Variants in TNRC6C observed in about 807,000 individuals in gnomAD.
TNRC6C encodes the protein trinucleotide repeat-containing gene 6C protein.
Under a neutral mutation model 153.7 loss-of-function variants are expected in TNRC6C, and 20 were observed. That is an observed-to-expected ratio of 0.13 (90% CI 0.09 to 0.19). The LOEUF is 0.19. Ranked by LOEUF, TNRC6C falls within the 10% of genes least tolerant of loss-of-function variation. The pLI is 1.00. For missense variants in TNRC6C, 1,987 were observed against 2,172.0 expected (o/e 0.91, Z 1.69); for synonymous variants, 811 against 841.4 (o/e 0.96, Z 0.63).
At chr17:78,102,418 C>T in intron 17 of TNRC6C, 56 bp from the exon 21 acceptor site, 1 of 1,502,222 alleles carries the variant, frequency 6.7e-7, no homozygotes, top group Admixed American at 1.9e-5. Context: ...GTGGGGAGGG[C>T]CGCACTATCC....
upstream of TNRC6C, among the ~76,000 whole-genome samples, chr17:77,958,480 G>A (rs1019729625): frequency 6.6e-6 from 1 of 152,014 alleles, no homozygotes; most frequent in Non-Finnish European, 1.5e-5. Flanking sequence ...TAAGGGGAAA[G>A]GAGGAGGCGT....
intron 17 of TNRC6C, among the ~76,000 whole-genome samples, chr17:78,100,039 G>T (rs1024346119): frequency 2.0e-5 from 3 of 152,186 alleles, no homozygotes; most frequent in African/African-American, 4.8e-5. Flanking sequence ...TTCATATCTC[G>T]CATCTGGGTC....
At chr17:77,996,095 A>C (rs1035088220) in intron 1 of TNRC6C, among the ~76,000 whole-genome samples, 1 of 152,186 alleles carries the variant, frequency 6.6e-6, no homozygotes, top group Non-Finnish European at 1.5e-5. Flanking sequence ...CAATCCTCCC[A>C]TATTTGTAAT....
chr17:78,067,963 CA>C (rs767936571), intron 5 of TNRC6C, 40 bp downstream of exon 7: 2 of 1,559,144 alleles, frequency 1.3e-6, no homozygotes, highest in South Asian at 2.4e-5. Context: ...CCCTGAAAAC[CA>C]AAGGTACTTC....
intron 1 of TNRC6C, among the ~76,000 whole-genome samples, chr17:78,010,274 T>C (rs773285193): frequency 1.2e-4 from 18 of 152,260 alleles, no homozygotes; most frequent in Non-Finnish European, 2.4e-4. Context: ...CAGTTTGTAA[T>C]TGGTAAACAA....
intron 3 of TNRC6C, among the ~76,000 whole-genome samples, chr17:78,059,760 G>A (rs992884483): frequency 6.6e-6 from 1 of 150,960 alleles, no homozygotes; most frequent in Non-Finnish European, 1.5e-5. Context: ...GAGGCAGGAG[G>A]ATCACCAGAG....
chr17:78,022,740 G>A (rs1374863303), intron 1 of TNRC6C, among the ~76,000 whole-genome samples: 4 of 152,132 alleles, frequency 2.6e-5, no homozygotes, highest in Non-Finnish European at 4.4e-5. Flanking sequence ...CTTTTAAAAG[G>A]CAAAATGACA....
Position 78,089,928 on chromosome 17 carries a change from G to A in TNRC6C, c.3803-1512G>A, listed in dbSNP as rs190370971. Among the ~76,000 whole-genome samples, 454 of 152,270 alleles carry A rather than the reference G, an allele frequency of 3.0e-3. 3 individuals are homozygous for A. The highest frequency in any genetic ancestry group is 9.7e-3 in the African/African-American group (403 of 41,542). ...CCAGTCTAGCTGACTTTCCCAGAGG[G>A]GAAAGTTGGGAGAGATGGGTTGGCG... is the stretch of plus-strand genomic sequence containing the variant. On this transcript the variant is annotated intron_variant, in intron 13 of 19. Transcript: ENST00000301624.
intron 1 of TNRC6C, among the ~76,000 whole-genome samples, chr17:78,024,114 CA>C (rs1165667465): frequency 1.3e-5 from 2 of 151,892 alleles, no homozygotes; most frequent in Non-Finnish European, 2.9e-5. Context: ...AAAGCAAAAA[CA>C]AAAAAACCTT....
intron 2 of TNRC6C, among the ~76,000 whole-genome samples, chr17:78,038,748 T>TCAC (rs766491515): frequency 6.6e-6 from 1 of 151,226 alleles, no homozygotes; most frequent in East Asian, 2.0e-4. Context: ...CATTGATAGA[T>TCAC]CACTTTTCAC....
chr17:78,086,348 A>AAAC (rs1555644254), intron 11 of TNRC6C, among the ~76,000 whole-genome samples, 155 bp from the exon 14 acceptor site: 11 of 139,968 alleles, frequency 7.9e-5, no homozygotes, highest in Middle Eastern at 3.7e-3. Flanking sequence ...AAAAAAAAAA[A>AAAC]AAAAAAAAAA....
At chr17:78,086,879 G>A (rs1354167572) in exon 13 of TNRC6C, 1 of 1,612,452 alleles carries the variant, frequency 6.2e-7, no homozygotes, top group Non-Finnish European at 8.5e-7. Flanking sequence ...CTAATCTGCA[G>A]CAGCAGATCC....
intron 3 of TNRC6C, among the ~76,000 whole-genome samples, chr17:78,063,214 C>T (rs2072803406): frequency 6.6e-6 from 1 of 150,668 alleles, no homozygotes; most frequent in Non-Finnish European, 1.5e-5. Flanking sequence ...TACTGCACTC[C>T]AGCCTGGGCA....
chr17:77,971,933 G>A (rs978034821), intron 1 of TNRC6C, among the ~76,000 whole-genome samples: 1 of 150,644 alleles, frequency 6.6e-6, no homozygotes, highest in Non-Finnish European at 1.5e-5. Context: ...GGAGAGAAAT[G>A]TATAGCTTTA....
At chr17:78,078,702 C>T (rs1051269959) in intron 9 of TNRC6C, among the ~76,000 whole-genome samples, 2 of 152,102 alleles carry the variant, frequency 1.3e-5, no homozygotes, top group Non-Finnish European at 2.9e-5. Flanking sequence ...AGGTGGCTCA[C>T]GCCTGTAATC....
rs1598735639 is a variant in TNRC6C, at chr17:78,051,452, G to C, written c.2390G>C (p.Arg797Thr). 1.5e-6 allele frequency: 2 copies of C among 1,361,508 alleles called. No homozygotes were observed. Among genetic ancestry groups the C allele is most frequent in the Non-Finnish European group, 1.9e-6 (2 of 1,050,418 alleles). 84.3% of individuals were successfully genotyped at this position (1,361,508 alleles called of 1,614,324 possible). A position where few individuals can be genotyped will look rare whatever the true frequency, so the allele number is the denominator to read the frequency against. Residue 797 changes from arginine (R) to threonine (T), a missense_variant, in exon 3 of 20, where the codon AGG becomes ACG. By Grantham distance (71) the Arg-to-Thr change is moderately conservative (BLOSUM62 -1). This residue lies in a region of TNRC6C where 1,052 missense variants were observed against 1,017.0 expected (regional missense o/e 1.03). Coordinates refer to ENST00000301624, the Ensembl canonical transcript of TNRC6C. ...CGATCACCGTTGCTTGGTCCAGGTA[G>C]GAAAGGTATTTCATGTTTCTTTACA...
chr17:78,044,399 T>G (rs1215274258), intron 2 of TNRC6C, among the ~76,000 whole-genome samples: 1 of 152,246 alleles, frequency 6.6e-6, no homozygotes, highest in Non-Finnish European at 1.5e-5. Flanking sequence ...TTCTTCTCTG[T>G]CAGATACTCT....
upstream of TNRC6C, among the ~76,000 whole-genome samples, chr17:78,000,055 T>C (rs1225229720): frequency 2.6e-5 from 4 of 152,226 alleles, no homozygotes; most frequent in Non-Finnish European, 1.5e-5. Flanking sequence ...TCTGGTCCTG[T>C]TGGTCAGAGC....
chr17:78,093,896 C>T (rs2073436537), intron 16 of TNRC6C, 133 bp downstream of exon 18: 2 of 1,039,764 alleles, frequency 1.9e-6, no homozygotes, highest in African/African-American at 1.6e-5. Context: ...TTCTAGTCAC[C>T]TGAAGCAGCA....
Sources: gnomAD v4.1 joint callset for allele counts (sites outside exome capture counted in the v4.1 genomes callset) on GRCh38, gnomAD v4.1.1 for gene constraint, gnomAD v4.1.1 regional missense constraint, MANE v1.5 for transcripts, NCBI Gene and HGNC (gene_info 2026-07-23, HGNC 2026-07-21) for gene names.